The following KMT2C variants were observed in gnomAD, a reference collection of about 807,000 sequenced individuals.
KMT2C encodes lysine methyltransferase 2C.
In KMT2C, 88 loss-of-function variants were observed where a neutral mutation model predicts 507.9. The ratio of observed to expected loss-of-function variants is 0.17; its 90% CI spans 0.15 to 0.21. The LOEUF is 0.21. Among genes scored for constraint, KMT2C ranks in the 10% least tolerant of loss-of-function variants. KMT2C has a pLI of 1.00. For synonymous variants in KMT2C, 2,049 were observed against 2,080.8 expected (o/e 0.98, Z 0.42); for missense variants, 4,954 against 5,957.8 (o/e 0.83, Z 5.55).
rs201467834 is a variant in KMT2C at position 152,139,767 on chromosome 7, C to G, written c.14368G>C (p.Asp4790His). Residue 4790 changes from aspartate to histidine, a missense_variant, in exon 56 of 59, where the codon GAC becomes CAC. Transcript: ENST00000262189. ...IQGLGLYAARDIEKHTMVIEY... is the reference protein window; with the variant it reads ...IQGLGLYAARHIEKHTMVIEY... Reference sequence around the variant, plus strand: ...ATGACCATGGTGTGTTTCTCAATGTCTCGAGCAGCATACAGGCCCAGCCCC... The same window carrying G: ...ATGACCATGGTGTGTTTCTCAATGTGTCGAGCAGCATACAGGCCCAGCCCC... 4 of 1,614,012 alleles carry G rather than the reference C, an allele frequency of 2.5e-6. No homozygotes were observed. Among genetic ancestry groups the G allele is most frequent in the Non-Finnish European group, 3.4e-6 (4 of 1,179,952 alleles).
At chr7:152,258,038 G>A (rs1317194362) in intron 9 of KMT2C, among the ~76,000 whole-genome samples, 2 of 152,172 alleles carry the variant, frequency 1.3e-5, no homozygotes, top group African/African-American at 2.4e-5. Flanking sequence ...ACCACCTGCT[G>A]AAAGGATGAA....
chr7:152,312,247 C>G (rs1352490278), intron 4 of KMT2C: 1 of 193,746 alleles, frequency 5.2e-6, no homozygotes, highest in Non-Finnish European at 1.1e-5. Context: ...ACTCTCATAT[C>G]CTAGTCAGGA....
chr7:152,296,066 T>G (rs749578615), intron 6 of KMT2C, among the ~76,000 whole-genome samples: 19 of 38,294 alleles, frequency 5.0e-4, no homozygotes, highest in Non-Finnish European at 4.6e-4. Context: ...AGACTCCGTC[T>G]CAAAAAAAAA....
intron 1 of KMT2C, among the ~76,000 whole-genome samples, chr7:152,382,111 CTT>C (rs1022216400): frequency 6.6e-6 from 1 of 152,232 alleles, no homozygotes; most frequent in South Asian, 2.1e-4. Context: ...TTTTCCAACT[CTT>C]TTTTCCACTG....
intron 55 of KMT2C, among the ~76,000 whole-genome samples, chr7:152,141,684 G>A (rs1439466998): frequency 6.9e-6 from 1 of 144,630 alleles, no homozygotes; most frequent in Non-Finnish European, 1.5e-5. Flanking sequence ...CTGCACTCCA[G>A]CCTGGGTGAC....
At chr7:152,325,618 A>G (rs1179596636) in intron 3 of KMT2C, among the ~76,000 whole-genome samples, 1 of 151,004 alleles carries the variant, frequency 6.6e-6, no homozygotes, top group African/African-American at 2.4e-5. Context: ...TAATTTTTGT[A>G]TTTTTTGTAG....
rs570624571 is a variant in KMT2C at position 152,139,343 on chromosome 7, C to A, written c.14461-84G>T. 4 of 1,238,154 alleles carry A rather than the reference C, an allele frequency of 3.2e-6. No homozygotes were observed. In the South Asian group the frequency reaches 3.6e-5, roughly 11 times the overall value. 76.7% of individuals were successfully genotyped at this position (1,238,154 alleles called of 1,614,324 possible). On this transcript the variant is annotated intron_variant, in intron 56 of 58. Coordinates refer to ENST00000262189, the MANE Select transcript of KMT2C (RefSeq NM_170606.3). ...CCTATCCACACCAGGAGGACTCAGT[C>A]GAAACTGAACGGAACGGCAGCCTGA...
At chr7:152,417,223 ACT>A (rs1377883782) in intron 1 of KMT2C, among the ~76,000 whole-genome samples, 1 of 151,902 alleles carries the variant, frequency 6.6e-6, no homozygotes, top group East Asian at 1.9e-4. Context: ...GGTTCAAGCG[ACT>A]CTCCTGCCAC....
intron 9 of KMT2C, among the ~76,000 whole-genome samples, chr7:152,259,261 T>G (rs2095714640): frequency 6.6e-6 from 1 of 152,100 alleles, no homozygotes; most frequent in Non-Finnish European, 1.5e-5. Flanking sequence ...GCTAGTACAT[T>G]AGATAAACAT....
chr7:152,395,844 C>T (rs1385468191), intron 1 of KMT2C, among the ~76,000 whole-genome samples: 3 of 152,148 alleles, frequency 2.0e-5, no homozygotes, highest in Non-Finnish European at 4.4e-5. Context: ...GATATCCTAT[C>T]ACCAGTATTT....
rs1250626362 is a variant in KMT2C at position 152,311,874 on chromosome 7, A to G, written c.663T>C (p.Ala221=). ...VSTQTASDDQ[A]GKLWDELSLV... ...GACTGAGTTCATCCCACAGTTTACC[A>G]GCTTGATCATCTGAAGCTGTCTGGG... Residue 221 remains alanine (A), a synonymous_variant, in exon 5 of 59, where the codon GCT becomes GCC. Coordinates refer to ENST00000262189, the MANE Select transcript of KMT2C (RefSeq NM_170606.3). 6.2e-7 allele frequency: 1 copy of G among 1,611,900 alleles called. No individual in the cohort carries two copies. Among genetic ancestry groups the G allele is most frequent in the Non-Finnish European group, 8.5e-7 (1 of 1,178,396 alleles).
At chr7:152,422,650 G>C (rs1206392700) in intron 1 of KMT2C, among the ~76,000 whole-genome samples, 1 of 152,076 alleles carries the variant, frequency 6.6e-6, no homozygotes, top group Non-Finnish European at 1.5e-5. Flanking sequence ...CTATTTACTA[G>C]CTATTTCTGT....
chr7:152,148,705 C>T lies in KMT2C; in HGVS notation c.13222G>A (p.Glu4408Lys), dbSNP rs779600159. Reference sequence around the variant, plus strand: ...GGTCCATCTGTCAATCCATCACCTTCTTCATGACAAAAGCAACATTTCCGA... The same window carrying T: ...GGTCCATCTGTCAATCCATCACCTTTTTCATGACAAAAGCAACATTTCCGA... ...DYRKCCFCHE[E>K]GDGLTDGPAR... Residue 4408 changes from glutamate (E) to lysine (K), a missense_variant, in exon 52 of 59, where the codon GAA becomes AAA. Physicochemically the swap from Glu to Lys is moderately conservative, Grantham distance 56 (BLOSUM62 1). This residue lies in a region of KMT2C where 39 missense variants were observed against 101.8 expected (regional missense o/e 0.38). Transcript: ENST00000262189. This position sits in a 1 kb window ranked among gnomAD's most constrained non-coding sequence, Gnocchi z 7.1. 6.8e-6 allele frequency: 11 copies of T among 1,614,190 alleles called. No individual in the cohort carries two copies. In the South Asian group the frequency reaches 1.2e-4, roughly 18 times the overall value.
At chr7:152,340,149 T>G (rs1414501967) in intron 2 of KMT2C, among the ~76,000 whole-genome samples, 1 of 119,708 alleles carries the variant, frequency 8.4e-6, no homozygotes, top group African/African-American at 3.6e-5. Context: ...CACGCCTGGA[T>G]TTTTTTTTTT....
chr7:152,411,350 C>A (rs984050217), intron 1 of KMT2C, among the ~76,000 whole-genome samples: 28 of 152,144 alleles, frequency 1.8e-4, no homozygotes, highest in Admixed American at 1.4e-3. Context: ...TCCGTGGCTC[C>A]CAATCAAGTC....
chr7:152,350,493 A>G (rs943728191), intron 2 of KMT2C, among the ~76,000 whole-genome samples: 1 of 152,244 alleles, frequency 6.6e-6, no homozygotes, highest in African/African-American at 2.4e-5. Context: ...ACTCTAGGCT[A>G]CAAACCTGTA....
intron 46 of KMT2C, 70 bp from the exon 47 acceptor site, chr7:152,154,515 C>T: frequency 7.4e-7 from 1 of 1,346,488 alleles, no homozygotes; most frequent in Non-Finnish European, 1.0e-6. Context: ...ACCAACCCTG[C>T]TGACATCTGT....
rs765590011 is a variant in KMT2C at position 152,203,027 on chromosome 7, T to C, written c.3999A>G (p.Glu1333=). 2.5e-6 allele frequency: 4 copies of C among 1,611,128 alleles called. No individual in the cohort carries two copies. The South Asian group carries it at 4.4e-5, about 18-fold the overall frequency. ...SEQLPDTLVD[E]SVSVTESTEK... is the part of the protein sequence containing the mutation. ...CAGTGCTTTCAGTAACAGAAACAGA[T>C]TCATCAACTAAAGTATCTGGTAACT... is the stretch of plus-strand genomic sequence containing the variant. Residue 1333 remains glutamate, a synonymous_variant, in exon 26 of 59, where the codon GAA becomes GAG. Transcript: ENST00000262189.
intron 6 of KMT2C, among the ~76,000 whole-genome samples, chr7:152,297,050 A>G (rs912525855): frequency 2.2e-5 from 2 of 91,690 alleles, no homozygotes; most frequent in Non-Finnish European, 4.3e-5. Flanking sequence ...AGAAAGAAAG[A>G]AAGACAGAGA....
Sources: gnomAD v4.1 joint callset for allele counts (sites outside exome capture counted in the v4.1 genomes callset) on GRCh38, gnomAD v4.1.1 for gene constraint, gnomAD v4.1.1 regional missense constraint, Gnocchi (gnomAD v3.1) non-coding constraint, MANE v1.5 for transcripts, NCBI Gene and HGNC (gene_info 2026-07-23, HGNC 2026-07-21) for gene names.